OSBPL8: variants seen among roughly 807,000 people sequenced by gnomAD.
OSBPL8 encodes oxysterol binding protein like 8.
OSBPL8 carries 59 observed loss-of-function variants against 125.5 expected under a neutral mutation model. That is an observed-to-expected ratio of 0.47 (90% CI 0.38 to 0.58). The LOEUF is 0.58. Among genes scored for constraint, OSBPL8 ranks in the 20% least tolerant of loss-of-function variants. The pLI, the probability that OSBPL8 is intolerant of heterozygous loss-of-function variation, is 0.00. For synonymous variants in OSBPL8, 330 were observed against 338.9 expected (o/e 0.97, Z 0.29); for missense variants, 758 against 1,047.8 (o/e 0.72, Z 3.82).
intron 1 of OSBPL8, among the ~76,000 whole-genome samples, chr12:76,517,301 C>G (rs1881641861): frequency 6.6e-6 from 1 of 152,044 alleles, no homozygotes; most frequent in African/African-American, 2.4e-5. Flanking sequence ...TTTTAGAGGA[C>G]TCAAACTCCA....
chr12:76,515,426 G>GT (rs1881433865), intron 1 of OSBPL8, among the ~76,000 whole-genome samples: 1 of 152,178 alleles, frequency 6.6e-6, no homozygotes, highest in Admixed American at 6.5e-5. Flanking sequence ...TGTTAGAGAG[G>GT]TATTTTTGGT....
intron 13 of OSBPL8, 105 bp downstream of exon 13, chr12:76,386,474 A>G: frequency 7.6e-7 from 1 of 1,311,138 alleles, no homozygotes; most frequent in Admixed American, 2.6e-5. Flanking sequence ...TGCTACGTCA[A>G]AGAAGCCCAG....
chr12:76,511,476 C>G (rs1310165291), intron 1 of OSBPL8, among the ~76,000 whole-genome samples: 1 of 152,178 alleles, frequency 6.6e-6, no homozygotes, highest in Non-Finnish European at 1.5e-5. Flanking sequence ...CTCTAATGAT[C>G]AGTGATACTG....
chr12:76,406,726 C>A (rs1422625177), intron 5 of OSBPL8, among the ~76,000 whole-genome samples: 2 of 152,074 alleles, frequency 1.3e-5, no homozygotes, highest in East Asian at 3.9e-4. Context: ...AGTGATCCTC[C>A]CACCTTAGCT....
chr12:76,546,322 T>C (rs1950781278), intron 1 of OSBPL8, among the ~76,000 whole-genome samples: 1 of 152,164 alleles, frequency 6.6e-6, no homozygotes, highest in Non-Finnish European at 1.5e-5. Flanking sequence ...ACAATCAACC[T>C]CTTAAATGGA....
At chr12:76,454,196 T>C (rs1003076234) in intron 3 of OSBPL8, among the ~76,000 whole-genome samples, 1 of 152,308 alleles carries the variant, frequency 6.6e-6, no homozygotes, top group East Asian at 1.9e-4. Flanking sequence ...GAAAAACTTT[T>C]ACAGGTATAT....
intron 5 of OSBPL8, among the ~76,000 whole-genome samples, chr12:76,404,611 T>G (rs1954181525): frequency 6.6e-6 from 1 of 152,192 alleles, no homozygotes; most frequent in African/African-American, 2.4e-5. Flanking sequence ...AATGTGAAGA[T>G]AACAAAGATA....
chr12:76,388,756 A>G (rs1953430040), intron 12 of OSBPL8, among the ~76,000 whole-genome samples: 1 of 152,070 alleles, frequency 6.6e-6, no homozygotes. Flanking sequence ...AATCATTTTC[A>G]TTCAATTTTT....
At chr12:76,410,981 T>G (rs1166715093) in intron 4 of OSBPL8, among the ~76,000 whole-genome samples, 3 of 152,132 alleles carry the variant, frequency 2.0e-5, no homozygotes, top group Non-Finnish European at 2.9e-5. Context: ...TTTTCATACC[T>G]CTGGTCAAAA....
intron 2 of OSBPL8, among the ~76,000 whole-genome samples, chr12:76,468,707 A>T (rs944112034): frequency 2.6e-5 from 4 of 152,220 alleles, no homozygotes; most frequent in Admixed American, 6.5e-5. Context: ...ATTCATAATT[A>T]TCTCACAGTA....
chr12:76,431,189 T>C (rs762613800), intron 4 of OSBPL8, among the ~76,000 whole-genome samples: 3 of 151,592 alleles, frequency 2.0e-5, no homozygotes, highest in Non-Finnish European at 4.4e-5. Flanking sequence ...AATAGACTGC[T>C]ATAACTATAA....
At chr12:76,389,027 C>T (rs1434274412) in intron 12 of OSBPL8, among the ~76,000 whole-genome samples, 1 of 152,138 alleles carries the variant, frequency 6.6e-6, no homozygotes, top group Non-Finnish European at 1.5e-5. Flanking sequence ...GAAGCATGGA[C>T]ACAAAGTTGC....
chr12:76,389,852 C>T lies in OSBPL8; in HGVS notation c.1168-23G>A, dbSNP rs375594934. 15 of 1,447,744 alleles carry T rather than the reference C, an allele frequency of 1.0e-5. No homozygotes were observed. The African/African-American group carries it at 1.1e-4, about 11-fold the overall frequency. The allele number at this position is 1,447,744 out of a possible 1,614,324, so 89.7% of individuals were successfully genotyped here. On this transcript the variant is annotated intron_variant, in intron 11 of 23. Coordinates refer to ENST00000261183, the MANE Select transcript of OSBPL8 (RefSeq NM_020841.5). ...TGCCTTTATCAATTAATGAAAATTACCAAAACATTATATTTATTTCAGACA... is the reference window on the plus strand; with the variant it reads ...TGCCTTTATCAATTAATGAAAATTATCAAAACATTATATTTATTTCAGACA...
intron 1 of OSBPL8, among the ~76,000 whole-genome samples, chr12:76,514,355 A>G (rs1288779241): frequency 6.7e-6 from 1 of 150,370 alleles, no homozygotes; most frequent in African/African-American, 2.5e-5. Flanking sequence ...GTTTCACCAT[A>G]TTGGCCAGGC....
intron 1 of OSBPL8, among the ~76,000 whole-genome samples, chr12:76,549,921 CAAAAAAAAAAAAGGA>C (rs199857240): frequency 2.3e-4 from 33 of 146,246 alleles, no homozygotes; most frequent in Admixed American, 4.7e-4. Context: ...CAAGCAGATG[CAAAAAAAAAAAAGGA>C]AAAAAAAATA....
intron 1 of OSBPL8, among the ~76,000 whole-genome samples, chr12:76,534,952 A>C (rs534474543): frequency 6.6e-6 from 1 of 152,308 alleles, no homozygotes; most frequent in East Asian, 1.9e-4. Flanking sequence ...CAACAAGAAC[A>C]ACCAAAACAG....
At chr12:76,488,327 T>C (rs1878370117) in intron 1 of OSBPL8, among the ~76,000 whole-genome samples, 2 of 152,174 alleles carry the variant, frequency 1.3e-5, no homozygotes, top group African/African-American at 4.8e-5. Flanking sequence ...ACATTTTATA[T>C]ATATAAGATA....
chr12:76,499,328 A>ATCTATCTATCTATCTG (rs1565947211), intron 1 of OSBPL8, among the ~76,000 whole-genome samples: 1 of 114,474 alleles, frequency 8.7e-6, no homozygotes, highest in Non-Finnish European at 1.9e-5. Flanking sequence ...CTATCTATCT[A>ATCTATCTATCTATCTG]TCTATCTATC....
intron 12 of OSBPL8, among the ~76,000 whole-genome samples, chr12:76,389,306 T>C (rs1953456730): frequency 6.6e-6 from 1 of 152,172 alleles, no homozygotes; most frequent in South Asian, 2.1e-4. Flanking sequence ...AACAAGTGTT[T>C]TTGTAGAGGA....
Sources: allele counts gnomAD v4.1 joint callset (sites outside exome capture counted in the v4.1 genomes callset), GRCh38; gene constraint gnomAD v4.1.1; transcripts MANE v1.5; gene names NCBI Gene and HGNC (gene_info 2026-07-23, HGNC 2026-07-21).